TNK2: variants seen among roughly 807,000 people sequenced by gnomAD.
TNK2 encodes activated CDC42 kinase 1.
In TNK2, 83 loss-of-function variants were observed where a neutral mutation model predicts 101.8. The observed-to-expected ratio is 0.82, with a 90% CI of 0.68 to 0.98. The LOEUF is 0.98. Among genes scored for constraint, TNK2 ranks in the 50% least tolerant of loss-of-function variants. The pLI is 0.00. For synonymous variants in TNK2, 804 were observed against 633.0 expected, an observed-to-expected ratio of 1.27 and a Z score of -4.06; for missense variants, 1,665 against 1,483.2, an observed-to-expected ratio of 1.12 and a Z score of -2.01.
chr3:195,886,084 A>G lies in TNK2; in HGVS notation c.234+893T>C, dbSNP rs559655937. On this transcript the variant is annotated intron_variant, in intron 3 of 15. Transcript: ENST00000672887. This position sits in a 1 kb window ranked among gnomAD's most constrained non-coding sequence, Gnocchi z 4.2. Reference sequence around the variant, plus strand: ...GGACCGGTATCATTTCACTGAAGACACAACAAAAATCTGGAGGCCACTGAC... The same window carrying G: ...GGACCGGTATCATTTCACTGAAGACGCAACAAAAATCTGGAGGCCACTGAC... The G allele has an allele frequency of 6.5e-6, 1 of 154,684 alleles. No individual in the cohort carries two copies. Among genetic ancestry groups the G allele is most frequent in the African/African-American group, 2.4e-5 (1 of 41,572 alleles). The allele number at this position is 154,684 out of a possible 1,614,324, so 9.6% of individuals were successfully genotyped here.
chr3:195,877,073 C>A (rs147134893), intron 9 of TNK2, among the ~76,000 whole-genome samples: 5,144 of 152,150 alleles, frequency 0.034, 130 homozygotes, highest in Non-Finnish European at 0.051. Context: ...TCCAGGGGAC[C>A]CCCCCACCCT....
rs1753858302 is a variant in TNK2 at position 195,882,942 on chromosome 3, G to A, written c.609+215C>T. The stretch of plus-strand genomic sequence containing the variant: ...CCATGGGAGTAACTCTCTTGACACT[G>A]AGCACCAGCAAAATCCAGAGACAGA... On this transcript the variant is annotated intron_variant, in intron 5 of 15. Coordinates refer to ENST00000672887, the MANE Select transcript of TNK2 (RefSeq NM_001382273.1). This position sits in a 1 kb window ranked among gnomAD's most constrained non-coding sequence, Gnocchi z 4.2. Among the ~76,000 whole-genome samples the A allele has an allele frequency of 6.6e-6, 1 of 152,134 alleles. No individual in the cohort carries two copies. The highest frequency in any genetic ancestry group is 2.4e-5 in the African/African-American group (1 of 41,422).
intron 1 of TNK2, chr3:195,896,200 C>G (rs1425854260): frequency 6.9e-6 from 3 of 434,748 alleles, no homozygotes; most frequent in Non-Finnish European, 1.4e-5. Context: ...TTCCTCTCCC[C>G]CGGGGCCCCA....
At chr3:195,887,263 C>G (rs1011694343) in intron 2 of TNK2, among the ~76,000 whole-genome samples, 1 of 152,214 alleles carries the variant, frequency 6.6e-6, no homozygotes, top group African/African-American at 2.4e-5. Flanking sequence ...AGGTGTTTAA[C>G]CAAAAACTTG....
At chr3:195,892,338 T>C in intron 1 of TNK2, 1 of 1,396,874 alleles carries the variant, frequency 7.2e-7, no homozygotes, top group Non-Finnish European at 9.5e-7. Flanking sequence ...TCTTGCTTTC[T>C]GCCTCTCAGT....
chr3:195,891,121 A>G (rs371813251), intron 1 of TNK2, among the ~76,000 whole-genome samples: 6 of 152,280 alleles, frequency 3.9e-5, no homozygotes, highest in African/African-American at 1.4e-4. Context: ...ACAAGTAACA[A>G]TAAAAATAAC....
In TNK2 at chr3:195,868,148, T is replaced by G; in HGVS notation, c.2150A>C (p.Gln717Pro). The change falls in exon 13 of 16, where the codon CAG becomes CCG. Residue 717 changes from glutamine (Q) to proline (P), a missense_variant. By Grantham distance (76) the Gln-to-Pro change is moderately conservative. Transcript: ENST00000672887. Reference sequence around the variant, plus strand: ...TAGCGCCTGGAAGATCTCTGCGGTCTGTGCGGAGCTGGGCGGCTTGCCCCC... The same window carrying G: ...TAGCGCCTGGAAGATCTCTGCGGTCGGTGCGGAGCTGGGCGGCTTGCCCCC... ...QGGGKPPSSA[Q>P]TAEIFQALQQ... The G allele has an allele frequency of 6.2e-7, 1 of 1,611,292 alleles. No individual in the cohort carries two copies. Among genetic ancestry groups the G allele is most frequent in the Non-Finnish European group, 8.5e-7 (1 of 1,179,316 alleles).
chr3:195,864,272 G>A, intron 15 of TNK2, 85 bp from the exon 16 acceptor site: 1 of 1,515,486 alleles, frequency 6.6e-7, no homozygotes, highest in Non-Finnish European at 9.1e-7. Context: ...CTGGTGCCAG[G>A]CAACACCACT....
In TNK2 at chr3:195,867,452, G is replaced by A; in HGVS notation, c.2846C>T (p.Pro949Leu). ...STNNSNPGAR[P>L]PPPRATARLP... ...CCGAGCAGTGGCCCTCGGGGGTGGT[G>A]GCCGGGCCCCTGGGTTGCTGTTGTT... Residue 949 changes from proline (P) to leucine (L), a missense_variant, in exon 13 of 16, where the codon CCA becomes CTA. Around this residue, in one of 3 missense-constraint regions of TNK2, gnomAD observed 1,136 missense variants for 894.9 expected, o/e 1.27. Transcript: ENST00000672887. The A allele has an allele frequency of 6.3e-7, 1 of 1,592,342 alleles. No homozygotes were observed. The highest frequency in any genetic ancestry group is 1.1e-5 in the South Asian group (1 of 89,906).
chr3:195,900,191 C>A (rs1007999979), intron 1 of TNK2, among the ~76,000 whole-genome samples: 1 of 151,948 alleles, frequency 6.6e-6, no homozygotes, highest in Non-Finnish European at 1.5e-5. Context: ...GGGGCGCGGG[C>A]TGCCACACAG....
intron 6 of TNK2, among the ~76,000 whole-genome samples, chr3:195,879,775 C>T (rs935472037): frequency 2.0e-5 from 3 of 151,946 alleles, no homozygotes; most frequent in African/African-American, 4.8e-5. Flanking sequence ...GGAAGCAGAG[C>T]GAGCCCTGCC....
At position 195,870,564 on chromosome 3, in the gene TNK2, C is replaced by T. The variant is rs532221108; in HGVS notation, c.1452-359G>A. On this transcript the variant is annotated intron_variant, in intron 10 of 15. Transcript: ENST00000672887. The stretch of plus-strand genomic sequence containing the variant: ...CAGGCCACGATGGAGGGCCTAAGAA[C>T]GGGGCATCCCAGCTATGGTGCCCAG... Among the ~76,000 whole-genome samples the T allele has an allele frequency of 9.8e-5, 15 of 152,364 alleles. No individual in the cohort carries two copies. The South Asian group carries it at 1.0e-3, about 11-fold the overall frequency.
In TNK2 at chr3:195,864,050, C is replaced by G. The variant is rs997108917; in HGVS notation, c.*131G>C. ...GCTCCCAGCCTCCCGCAGCCTTGGC[C>G]TTGCTCCATCCCCGGGAGCAGCAGG... On this transcript the variant is annotated 3_prime_UTR_variant, in exon 16 of 16. Transcript: ENST00000672887. The G allele has an allele frequency of 6.9e-6, 9 of 1,299,250 alleles. No individual in the cohort carries two copies. The highest frequency in any genetic ancestry group is 1.5e-5 in the African/African-American group (1 of 68,412). The allele number at this position is 1,299,250 out of a possible 1,614,324, so 80.5% of individuals were successfully genotyped here. A position where few individuals can be genotyped will look rare whatever the true frequency, so the allele number is the denominator to read the frequency against.
At chr3:195,890,659 G>A (rs1161477339) in intron 1 of TNK2, among the ~76,000 whole-genome samples, 11 of 152,002 alleles carry the variant, frequency 7.2e-5, no homozygotes, top group African/African-American at 1.9e-4. Context: ...GGCTGGTCTC[G>A]AACTCCTGAG....
chr3:195,881,941 C>A lies in TNK2; in HGVS notation c.887+110G>T, dbSNP rs868857971. On this transcript the variant is annotated intron_variant, in intron 6 of 15. Transcript: ENST00000672887. Reference sequence around the variant, plus strand: ...GAGGGCACCCCAGGCTTAGAACAGACAAGGGCAGGCCCAAGCAAAACCAGG... The same window carrying A: ...GAGGGCACCCCAGGCTTAGAACAGAAAAGGGCAGGCCCAAGCAAAACCAGG... The A allele has an allele frequency of 8.2e-6, 11 of 1,346,832 alleles. No homozygotes were observed. In the East Asian group the frequency reaches 2.6e-4, roughly 32 times the overall value. 83.4% of individuals were successfully genotyped at this position (1,346,832 alleles called of 1,614,324 possible). A position where few individuals can be genotyped will look rare whatever the true frequency, so the allele number is the denominator to read the frequency against.
chr3:195,904,953 C>A (rs1368417302), intron 1 of TNK2, among the ~76,000 whole-genome samples: 1 of 152,166 alleles, frequency 6.6e-6, no homozygotes, highest in Non-Finnish European at 1.5e-5. Flanking sequence ...CAATCAAAAT[C>A]CCAGCAGGCT....
chr3:195,875,573 G>A (rs1160065419), intron 9 of TNK2, among the ~76,000 whole-genome samples: 3 of 152,156 alleles, frequency 2.0e-5, no homozygotes, highest in Non-Finnish European at 2.9e-5. Flanking sequence ...ACACGCACCC[G>A]TGTGAGGCTC....
chr3:195,887,385 C>A (rs1174913957), intron 2 of TNK2, among the ~76,000 whole-genome samples: 1 of 152,242 alleles, frequency 6.6e-6, no homozygotes, highest in Non-Finnish European at 1.5e-5. Context: ...TGGCATCAGA[C>A]ACCAACTATC....
chr3:195,872,531 C>A, intron 9 of TNK2, 61 bp from the exon 10 acceptor site: 1 of 1,503,282 alleles, frequency 6.7e-7, no homozygotes, highest in African/African-American at 1.4e-5. Context: ...GGCACTGGGA[C>A]CCTCCTCACA....
Sources: allele counts gnomAD v4.1 joint callset (sites outside exome capture counted in the v4.1 genomes callset), GRCh38; gene constraint gnomAD v4.1.1; regional missense constraint gnomAD v4.1.1; non-coding constraint Gnocchi (gnomAD v3.1); transcripts MANE v1.5; gene names NCBI Gene and HGNC (gene_info 2026-07-23, HGNC 2026-07-21).